Variants in GADL1 observed in about 807,000 individuals in gnomAD.
GADL1 encodes the protein GAD like acidic amino acid decarboxylase 1, also known as acidic amino acid decarboxylase GADL1.
Under a neutral mutation model 69.5 loss-of-function variants are expected in GADL1, and 71 were observed. That is an observed-to-expected ratio of 1.02 (90% CI 0.84 to 1.25). GADL1 has a LOEUF of 1.25. GADL1 is among the 50% of genes most tolerant of loss of function. The pLI is 0.00. For synonymous variants in GADL1, 254 were observed against 214.4 expected (o/e 1.18, Z -1.62); for missense variants, 737 against 631.8 (o/e 1.17, Z -1.79).
In GADL1 at chr3:30,801,042, T is replaced by C. The variant is rs146398609; in HGVS notation, c.1097A>G (p.Gln366Arg). 1.2e-6 allele frequency: 2 copies of C among 1,614,040 alleles called. No homozygotes were observed. Among genetic ancestry groups the C allele is most frequent in the South Asian group, 1.1e-5 (1 of 91,088 alleles). The change falls in exon 12 of 15, where the codon CAG (glutamine) becomes CGG (arginine). Residue 366 changes from glutamine (Q) to arginine (R), a missense_variant. Gln to Arg is a conservative substitution (Grantham distance 43, BLOSUM62 1). Transcript: ENST00000282538. ...CYSAKASYLF[Q>R]QDKFYDVSYD... Reference sequence around the variant, plus strand: ...GCTCACATCATAGAATTTATCCTGCTGGAAGAGGTAAGATGCCTTGGCAGA... The same window carrying C: ...GCTCACATCATAGAATTTATCCTGCCGGAAGAGGTAAGATGCCTTGGCAGA...
chr3:30,774,156 C>A (rs1239184532), intron 14 of GADL1, among the ~76,000 whole-genome samples: 3 of 152,094 alleles, frequency 2.0e-5, no homozygotes, highest in Admixed American at 2.0e-4. Context: ...GTAAATGTTT[C>A]AGATTTTCAT....
intron 1 of GADL1, among the ~76,000 whole-genome samples, chr3:30,864,420 C>G (rs1354768503): frequency 6.6e-6 from 1 of 151,782 alleles, no homozygotes; most frequent in African/African-American, 2.4e-5. Flanking sequence ...AATGTCAACA[C>G]CCACTCGTAA....
intron 1 of GADL1, among the ~76,000 whole-genome samples, chr3:30,871,683 T>C (rs527971619): frequency 1.3e-5 from 2 of 151,878 alleles, no homozygotes; most frequent in East Asian, 3.9e-4. Context: ...TGAGACTACG[T>C]TGTGTTAGAA....
At chr3:30,829,369 T>A (rs1159398251) in intron 11 of GADL1, among the ~76,000 whole-genome samples, 1 of 151,892 alleles carries the variant, frequency 6.6e-6, no homozygotes, top group Admixed American at 6.6e-5. Context: ...GAAATCAGCA[T>A]TGTGGATGTC....
intron 13 of GADL1, 69 bp downstream of exon 13, chr3:30,786,284 CAG>C (rs1696787448): frequency 1.1e-6 from 1 of 911,566 alleles, no homozygotes; most frequent in Admixed American, 1.8e-5. Flanking sequence ...AAACATATAA[CAG>C]ATAAGAAAAT....
At chr3:30,863,077 ACTCT>A (rs775184195) in intron 1 of GADL1, among the ~76,000 whole-genome samples, 57 of 149,114 alleles carry the variant, frequency 3.8e-4, no homozygotes, top group Middle Eastern at 3.5e-3. Flanking sequence ...TCACACACTC[ACTCT>A]CTCTCTCTCT....
Position 30,844,224 on chromosome 3 carries a change from G to C in GADL1, c.772C>G (p.Gln258Glu), listed in dbSNP as rs909592162. The C allele has an allele frequency of 1.2e-6, 2 of 1,612,520 alleles. No individual in the cohort carries two copies. Among genetic ancestry groups the C allele is most frequent in the Non-Finnish European group, 1.7e-6 (2 of 1,179,268 alleles). Residue 258 changes from glutamine (Q) to glutamate (E), a missense_variant, in exon 8 of 15, where the codon CAA becomes GAA. Transcript: ENST00000282538. ...TCCCCTCTCACCTCTTTTCTGGCTT[G>C]CCAGACTTGCTTCTCCAGTTCCTCA... The part of the protein sequence containing the change: ...IPEELEKQVW[Q>E]ARKEGAAPFL...
At chr3:30,812,545 C>T (rs1250171307) in intron 11 of GADL1, among the ~76,000 whole-genome samples, 3 of 152,142 alleles carry the variant, frequency 2.0e-5, no homozygotes, top group Non-Finnish European at 4.4e-5. Flanking sequence ...GAAAGACCTG[C>T]CCCCATGATT....
intron 6 of GADL1, among the ~76,000 whole-genome samples, chr3:30,846,996 T>C (rs1206716949): frequency 5.3e-5 from 8 of 152,220 alleles, no homozygotes; most frequent in Admixed American, 2.6e-4. Context: ...TAAGGGTTTC[T>C]TTTTACCCTA....
In GADL1 at chr3:30,850,115, C is replaced by CA; in HGVS notation, c.536-5dup. Reference sequence around the variant, plus strand: ...TACATATTGGACACTGAGCCACCTGCAAAAACAAAATTAAAATGGCATATT... The same window carrying CA: ...TACATATTGGACACTGAGCCACCTGCAAAAAACAAAATTAAAATGGCATATT... On this transcript the variant is annotated splice_polypyrimidine_tract_variant and splice_region_variant and intron_variant, in intron 5 of 14. Transcript: ENST00000282538. 6.7e-7 allele frequency: 1 copy of CA among 1,488,902 alleles called. No homozygotes were observed. The highest frequency in any genetic ancestry group is 9.4e-7 in the Non-Finnish European group (1 of 1,067,756). The allele number at this position is 1,488,902 out of a possible 1,614,324, so 92.2% of individuals were successfully genotyped here.
At chr3:30,863,082 C>G (rs574384080) in intron 1 of GADL1, among the ~76,000 whole-genome samples, 2 of 151,670 alleles carry the variant, frequency 1.3e-5, no homozygotes, top group Non-Finnish European at 2.9e-5. Context: ...CACTCACTCT[C>G]TCTCTCTCTC....
chr3:30,784,451 AGTT>A (rs71628563), intron 13 of GADL1, among the ~76,000 whole-genome samples: 34,287 of 151,934 alleles, frequency 0.23, 4,598 homozygotes, highest in Non-Finnish European at 0.3. Flanking sequence ...ACTACCAGAA[AGTT>A]GTTTAATTTT....
intron 14 of GADL1, among the ~76,000 whole-genome samples, chr3:30,774,565 AAG>A (rs777675388): frequency 3.4e-5 from 5 of 148,916 alleles, no homozygotes; most frequent in African/African-American, 1.3e-4. Context: ...CTGTGTTTCT[AAG>A]AGTATATGCA....
intron 9 of GADL1, among the ~76,000 whole-genome samples, chr3:30,835,698 G>A: frequency 6.6e-6 from 1 of 151,984 alleles, no homozygotes; most frequent in Non-Finnish European, 1.5e-5. Flanking sequence ...CCTCATATTA[G>A]CACCAGCCTT....
At chr3:30,754,685 T>C (rs891384125) in intron 14 of GADL1, among the ~76,000 whole-genome samples, 2 of 152,102 alleles carry the variant, frequency 1.3e-5, no homozygotes, top group Non-Finnish European at 2.9e-5. Flanking sequence ...CTCAACTGCC[T>C]AAGAGCTCTG....
At chr3:30,747,907 G>C (rs908273684) in intron 14 of GADL1, among the ~76,000 whole-genome samples, 2 of 152,056 alleles carry the variant, frequency 1.3e-5, no homozygotes, top group African/African-American at 2.4e-5. Flanking sequence ...AGATCACTAG[G>C]GCCACTAATG....
At chr3:30,819,373 TTA>T (rs1476219226) in intron 11 of GADL1, among the ~76,000 whole-genome samples, 5 of 152,126 alleles carry the variant, frequency 3.3e-5, no homozygotes, top group African/African-American at 1.2e-4. Context: ...TTGTCACTCT[TTA>T]TCTCTGGTTT....
chr3:30,772,863 G>A (rs1215576978), intron 14 of GADL1, among the ~76,000 whole-genome samples: 1 of 152,162 alleles, frequency 6.6e-6, no homozygotes, highest in Non-Finnish European at 1.5e-5. Flanking sequence ...GTGACAGAGT[G>A]AGACTCTGTC....
intron 14 of GADL1, among the ~76,000 whole-genome samples, chr3:30,731,801 A>G (rs1695461298): frequency 6.6e-6 from 1 of 152,230 alleles, no homozygotes; most frequent in South Asian, 2.1e-4. Context: ...GGCAGTTACT[A>G]CTAGGTAAAA....
Sources: gnomAD v4.1 joint callset for allele counts (sites outside exome capture counted in the v4.1 genomes callset) on GRCh38, gnomAD v4.1.1 for gene constraint, MANE v1.5 for transcripts, NCBI Gene and HGNC (gene_info 2026-07-23, HGNC 2026-07-21) for gene names.